Variants in SEC23A observed in about 807,000 individuals in gnomAD.
SEC23A encodes the protein protein transport protein Sec23A.
A neutral mutation model predicts 103.7 loss-of-function variants in SEC23A; 56 were observed. That is an observed-to-expected ratio of 0.54 (90% CI 0.44 to 0.67). The LOEUF (loss-of-function observed/expected upper bound fraction) is 0.67. Ranked by LOEUF, SEC23A falls within the 30% of genes least tolerant of loss-of-function variation. SEC23A has a pLI of 0.00. For missense variants in SEC23A, 784 were observed against 936.4 expected (o/e 0.84, Z 2.12); for synonymous variants, 281 against 293.0 (o/e 0.96, Z 0.42).
intron 2 of SEC23A, among the ~76,000 whole-genome samples, chr14:39,094,387 CACACACACACATATAT>C (rs1245539081): frequency 3.8e-5 from 2 of 53,262 alleles, no homozygotes; most frequent in African/African-American, 6.6e-5. Context: ...CACACACACA[CACACACACACATATAT>C]ATATATATAT....
At chr14:39,076,246 G>A (rs1157866336) in intron 7 of SEC23A, among the ~76,000 whole-genome samples, 153 bp from the exon 8 acceptor site, 3 of 151,804 alleles carry the variant, frequency 2.0e-5, no homozygotes, top group South Asian at 4.2e-4. Flanking sequence ...AAAAACAAAG[G>A]TATCTGAACA....
At chr14:39,036,253 C>G (rs1885454225) in intron 19 of SEC23A, among the ~76,000 whole-genome samples, 1 of 134,344 alleles carries the variant, frequency 7.4e-6, no homozygotes, top group African/African-American at 2.9e-5. Flanking sequence ...ACCCAGGAGG[C>G]AGAGGTTGCA....
chr14:39,064,879 C>T (rs1232258505), intron 11 of SEC23A, 34 bp downstream of exon 11: 2 of 1,434,532 alleles, frequency 1.4e-6, no homozygotes, highest in Non-Finnish European at 2.0e-6. Flanking sequence ...AGTTCCTGGT[C>T]CTGTATTTTC....
intron 13 of SEC23A, among the ~76,000 whole-genome samples, chr14:39,060,385 T>C (rs930295537): frequency 6.6e-6 from 1 of 152,172 alleles, no homozygotes; most frequent in Non-Finnish European, 1.5e-5. Context: ...TTCATGTCCA[T>C]CACTCAACAA....
chr14:39,093,689 T>C (rs1887742962), intron 2 of SEC23A, among the ~76,000 whole-genome samples: 1 of 152,086 alleles, frequency 6.6e-6, no homozygotes, highest in Non-Finnish European at 1.5e-5. Context: ...TGAGCCCAGG[T>C]GGTCAAAGAT....
At position 39,096,320 on chromosome 14, in the gene SEC23A, C is replaced by T. The variant is rs375722839; in HGVS notation, c.-21-181G>A. 5.5e-4 allele frequency among the ~76,000 whole-genome samples: 84 copies of T among 152,156 alleles called. No individual in the cohort carries two copies. In the East Asian group the frequency reaches 0.014, roughly 25 times the overall value. On this transcript the variant is annotated intron_variant, in intron 1 of 19. Transcript: ENST00000307712. ...CCGAGACAGGCGGATCACCTGAGGTCGGGAGTTCGAGACCAGCCTGACCAA... is the reference window on the plus strand; with the variant it reads ...CCGAGACAGGCGGATCACCTGAGGTTGGGAGTTCGAGACCAGCCTGACCAA...
chr14:39,082,759 C>G (rs1183215649), intron 7 of SEC23A, among the ~76,000 whole-genome samples: 2 of 152,160 alleles, frequency 1.3e-5, no homozygotes, highest in African/African-American at 4.8e-5. Flanking sequence ...AATAAGAACA[C>G]AGCATTACTT....
Position 39,061,887 on chromosome 14 carries a change from G to A in SEC23A, c.1399-16C>T. On this transcript the variant is annotated splice_polypyrimidine_tract_variant and intron_variant, in intron 12 of 19. Coordinates refer to ENST00000307712, the MANE Select transcript of SEC23A (RefSeq NM_006364.4). ...GAGCATTATGCTGTATAAATATAAT[G>A]GAGTAAAACCTAAGCAAAATTTACT... is the stretch of plus-strand genomic sequence containing the variant. The A allele has an allele frequency of 6.3e-7, 1 of 1,577,122 alleles. No homozygotes were observed. The highest frequency in any genetic ancestry group is 8.7e-7 in the Non-Finnish European group (1 of 1,146,368).
At chr14:39,055,792 G>C (rs548561796) in intron 13 of SEC23A, among the ~76,000 whole-genome samples, 9 of 152,244 alleles carry the variant, frequency 5.9e-5, no homozygotes, top group Admixed American at 2.0e-4. Flanking sequence ...CAAACACAAG[G>C]AAAAGAGAAA....
intron 7 of SEC23A, among the ~76,000 whole-genome samples, chr14:39,082,503 G>A (rs185615578): frequency 4.6e-5 from 7 of 151,972 alleles, no homozygotes; most frequent in Non-Finnish European, 1.0e-4. Flanking sequence ...ATTACAATAG[G>A]AAAACCTGTA....
rs564706204 is a variant in SEC23A, at chr14:39,057,554, T to C, written c.1506-2258A>G. On this transcript the variant is annotated intron_variant, in intron 13 of 19. Transcript: ENST00000307712. The stretch of plus-strand genomic sequence containing the variant: ...CAATTTAAAACAATTGTTTCAGAGG[T>C]GAGGGTCTCACTATGTTGCCCAGGC... Among the ~76,000 whole-genome samples the C allele has an allele frequency of 3.3e-5, 5 of 152,156 alleles. No individual in the cohort carries two copies. In the East Asian group the frequency reaches 9.7e-4, roughly 29 times the overall value.
chr14:39,097,507 G>A (rs1800477368), intron 1 of SEC23A, among the ~76,000 whole-genome samples: 1 of 152,028 alleles, frequency 6.6e-6, no homozygotes, highest in South Asian at 2.1e-4. Flanking sequence ...TATTTGGGGG[G>A]AAAAAGTTAG....
At chr14:39,072,711 G>A (rs981006624) in intron 9 of SEC23A, among the ~76,000 whole-genome samples, 1 of 152,154 alleles carries the variant, frequency 6.6e-6, no homozygotes, top group East Asian at 1.9e-4. Flanking sequence ...CTACTCAGGA[G>A]GCTGAGGTGA....
intron 15 of SEC23A, among the ~76,000 whole-genome samples, chr14:39,048,096 A>T (rs960368623): frequency 1.3e-5 from 2 of 152,180 alleles, no homozygotes; most frequent in Non-Finnish European, 1.5e-5. Flanking sequence ...CCTTACATGT[A>T]ATTCTACCCA....
chr14:39,085,907 C>G lies in SEC23A; in HGVS notation c.684-1G>C. Reference sequence around the variant, plus strand: ...TATTTTCTGTACTGGTTGTAAGAATCTAAGAAACAGAATTAAATAAAAAGC... The same window carrying G: ...TATTTTCTGTACTGGTTGTAAGAATGTAAGAAACAGAATTAAATAAAAAGC... On this transcript the variant is annotated splice_acceptor_variant, in intron 6 of 19. Transcript: ENST00000307712. LOFTEE classifies it high-confidence loss of function. The G allele has an allele frequency of 6.2e-7, 1 of 1,612,222 alleles. No individual in the cohort carries two copies. Among genetic ancestry groups the G allele is most frequent in the Non-Finnish European group, 8.5e-7 (1 of 1,178,410 alleles).
intron 7 of SEC23A, among the ~76,000 whole-genome samples, chr14:39,084,038 T>G (rs528763415): frequency 1.3e-5 from 2 of 152,278 alleles, no homozygotes; most frequent in African/African-American, 4.8e-5. Flanking sequence ...TGTTTTGTTT[T>G]TGAGATGGAG....
chr14:39,058,493 G>C (rs576598145), intron 13 of SEC23A, among the ~76,000 whole-genome samples: 14 of 151,922 alleles, frequency 9.2e-5, no homozygotes, highest in Non-Finnish European at 2.1e-4. Flanking sequence ...ATTTTTAGTA[G>C]AGACGGGGTT....
rs1885693249 is a variant in SEC23A at position 39,042,839 on chromosome 14, C to A, written c.1933G>T (p.Asp645Tyr). ...AATGTGTCCATGAGAAGAATACGATCTGCAAGAATGCTACTGCTATCAAGA... is the reference window on the plus strand; with the variant it reads ...AATGTGTCCATGAGAAGAATACGATATGCAAGAATGCTACTGCTATCAAGA... ...VLLDSSSILA[D>Y]RILLMDTFFQ... is the part of the protein sequence containing the mutation. Residue 645 changes from aspartate (D) to tyrosine (Y), a missense_variant, in exon 17 of 20, where the codon GAT becomes TAT. Asp to Tyr is a radical substitution (Grantham distance 160). Around this residue, in one of 2 missense-constraint regions of SEC23A, gnomAD observed 101 missense variants for 162.2 expected, o/e 0.62. Coordinates refer to ENST00000307712, the MANE Select transcript of SEC23A (RefSeq NM_006364.4). 2 of 1,612,804 alleles carry A rather than the reference C, an allele frequency of 1.2e-6. No homozygotes were observed. The highest frequency in any genetic ancestry group is 1.7e-6 in the Non-Finnish European group (2 of 1,179,034).
chr14:39,034,069 A>G (rs1885387206), intron 19 of SEC23A, among the ~76,000 whole-genome samples: 1 of 152,260 alleles, frequency 6.6e-6, no homozygotes. Context: ...CTAGTCTGGC[A>G]TAGCCACAAA....
Sources: gnomAD v4.1 joint callset for allele counts (sites outside exome capture counted in the v4.1 genomes callset) on GRCh38, gnomAD v4.1.1 for gene constraint, gnomAD v4.1.1 regional missense constraint, MANE v1.5 for transcripts, NCBI Gene and HGNC (gene_info 2026-07-23, HGNC 2026-07-21) for gene names.